PYGB: variants seen among roughly 807,000 people sequenced by gnomAD.
The protein encoded by PYGB is glycogen phosphorylase B, also known as glycogen phosphorylase, brain form.
PYGB carries 82 observed loss-of-function variants against 94.3 expected under a neutral mutation model. That is an observed-to-expected ratio of 0.87 (90% CI 0.73 to 1.04). The LOEUF is 1.04. Among genes scored for constraint, PYGB ranks in the 50% least tolerant of loss-of-function variants. The pLI, the probability that PYGB is intolerant of heterozygous loss-of-function variation, is 0.00. For synonymous variants in PYGB, 488 were observed against 479.1 expected, an observed-to-expected ratio of 1.02 and a Z score of -0.24; for missense variants, 1,132 against 1,158.2, an observed-to-expected ratio of 0.98 and a Z score of 0.33.
chr20:25,277,306 G>A lies in PYGB; in HGVS notation c.835G>A (p.Val279Ile). 6.4e-7 allele frequency: 1 copy of A among 1,573,000 alleles called. No individual in the cohort carries two copies. The highest frequency in any genetic ancestry group is 1.1e-5 in the South Asian group (1 of 90,214). Reference sequence around the variant, plus strand: ...GAACTTGGCTGAGAACATCTCCAGGGTCCTGTATCCAAATGATAACGTGAG... The same window carrying A: ...GAACTTGGCTGAGAACATCTCCAGGATCCTGTATCCAAATGATAACGTGAG... ...DRNLAENISR[V>I]LYPNDNFFEG... Residue 279 changes from valine to isoleucine, a missense_variant, in exon 7 of 20, where the codon GTC (valine) becomes ATC (isoleucine). Transcript: ENST00000216962.
chr20:25,291,567 C>T (rs1468227483), intron 16 of PYGB, among the ~76,000 whole-genome samples: 2 of 152,200 alleles, frequency 1.3e-5, no homozygotes, highest in Admixed American at 6.5e-5. Flanking sequence ...CAGGCGAGGT[C>T]CCTTGAGGCA....
intron 1 of PYGB, among the ~76,000 whole-genome samples, chr20:25,257,349 GC>G (rs2092904636): frequency 6.6e-6 from 1 of 152,224 alleles, no homozygotes; most frequent in African/African-American, 2.4e-5. Context: ...ATGTCTGCAT[GC>G]AACCTGGACA....
intron 3 of PYGB, 43 bp from the exon 4 acceptor site, chr20:25,271,340 G>T: frequency 6.3e-7 from 1 of 1,583,946 alleles, no homozygotes; most frequent in Non-Finnish European, 8.7e-7. Flanking sequence ...GGACCTTGGT[G>T]CCGTGCCTTT....
At chr20:25,259,160 T>G in intron 1 of PYGB, 77 bp from the exon 2 acceptor site, 1 of 1,277,664 alleles carries the variant, frequency 7.8e-7, no homozygotes, top group Non-Finnish European at 1.1e-6. Context: ...CTTGGCTTCA[T>G]GGGTCGTGTC....
Position 25,271,380 on chromosome 20 carries a change from C to A in PYGB, c.425-3C>A. The A allele has an allele frequency of 6.2e-7, 1 of 1,613,710 alleles. No homozygotes were observed. The highest frequency in any genetic ancestry group is 8.5e-7 in the Non-Finnish European group (1 of 1,179,650). ...CTGACTGATTTGTGATTGATTTTTT[C>A]AGCGTGTTTCCTTGACTCAATGGCT... On this transcript the variant is annotated splice_polypyrimidine_tract_variant and splice_region_variant and intron_variant, in intron 3 of 19. Coordinates refer to ENST00000216962, the MANE Select transcript of PYGB (RefSeq NM_002862.4).
chr20:25,285,177 T>C (rs1462413121), intron 14 of PYGB: 1 of 152,182 alleles, frequency 6.6e-6, no homozygotes, highest in Non-Finnish European at 1.5e-5. Context: ...CCCTCTGCCG[T>C]GTGGGCACCA....
At chr20:25,273,008 G>C (rs1325417060) in intron 4 of PYGB, among the ~76,000 whole-genome samples, 1 of 152,234 alleles carries the variant, frequency 6.6e-6, no homozygotes, top group Non-Finnish European at 1.5e-5. Context: ...AGGATGATCA[G>C]TAAGTGAAGC....
intron 2 of PYGB, among the ~76,000 whole-genome samples, chr20:25,264,137 C>T (rs973681555): frequency 2.0e-5 from 3 of 152,118 alleles, no homozygotes; most frequent in Non-Finnish European, 4.4e-5. Context: ...TGCAAATCAA[C>T]AAACGTAATC....
intron 15 of PYGB, 105 bp from the exon 16 acceptor site, chr20:25,290,376 C>T: frequency 7.0e-7 from 1 of 1,434,656 alleles, no homozygotes; most frequent in Non-Finnish European, 9.6e-7. Flanking sequence ...CGGCAGGTTC[C>T]TGTGGCTCTA....
At chr20:25,271,010 C>T (rs545866719) in intron 3 of PYGB, among the ~76,000 whole-genome samples, 1 of 152,220 alleles carries the variant, frequency 6.6e-6, no homozygotes, top group African/African-American at 2.4e-5. Context: ...TTGATGTGTC[C>T]CTGCTGTCAG....
chr20:25,290,359 G>A (rs547975786), intron 15 of PYGB, 122 bp from the exon 16 acceptor site: 165 of 1,313,506 alleles, frequency 1.3e-4, no homozygotes, highest in Non-Finnish European at 1.1e-4. Flanking sequence ...TCTACTGACC[G>A]TCCCGACGGC....
At chr20:25,275,502 GGT>G (rs987260429) in intron 5 of PYGB, among the ~76,000 whole-genome samples, 4 of 152,204 alleles carry the variant, frequency 2.6e-5, no homozygotes, top group Non-Finnish European at 4.4e-5. Context: ...GAGGCTGGGT[GGT>G]CACTGGTGTG....
intron 1 of PYGB, among the ~76,000 whole-genome samples, chr20:25,258,536 T>G (rs2092907068): frequency 6.6e-6 from 1 of 152,264 alleles, no homozygotes; most frequent in Admixed American, 6.5e-5. Context: ...CCCTGGCCGC[T>G]GCAGGCCCGT....
At chr20:25,295,749 C>T in intron 19 of PYGB, 79 bp downstream of exon 19, 1 of 1,454,790 alleles carries the variant, frequency 6.9e-7, no homozygotes, top group Non-Finnish European at 9.7e-7. Flanking sequence ...TGTTTATTTC[C>T]CAAGCTGAGT....
intron 1 of PYGB, among the ~76,000 whole-genome samples, chr20:25,256,031 C>T (rs949408692): frequency 6.6e-6 from 1 of 152,236 alleles, no homozygotes; most frequent in Non-Finnish European, 1.5e-5. Context: ...TCACACCTGG[C>T]TCCAGCTCTT....
chr20:25,281,115 G>A lies in PYGB; in HGVS notation c.1403+3G>A. ...TCGGAGATCGTGAAACAGTCGGTGT[G>A]AGTGGGGCGCTTGCCCGAGCGGGGC... On this transcript the variant is annotated splice_donor_region_variant and intron_variant, in intron 11 of 19. Coordinates refer to ENST00000216962, the MANE Select transcript of PYGB (RefSeq NM_002862.4). 1 of 1,614,094 alleles carries A rather than the reference G, an allele frequency of 6.2e-7. No homozygotes were observed. The highest frequency in any genetic ancestry group is 8.5e-7 in the Non-Finnish European group (1 of 1,179,958).
Position 25,248,118 on chromosome 20 carries a change from G to C in PYGB, c.-61G>C. The C allele has an allele frequency of 6.8e-7, 1 of 1,479,786 alleles. No individual in the cohort carries two copies. 91.7% of individuals were successfully genotyped at this position (1,479,786 alleles called of 1,614,324 possible). A position where few individuals can be genotyped will look rare whatever the true frequency, so the allele number is the denominator to read the frequency against. On this transcript the variant is annotated 5_prime_UTR_variant, in exon 1 of 20. Coordinates refer to ENST00000216962, the MANE Select transcript of PYGB (RefSeq NM_002862.4). ...GGCGCCAGAGCAGCTGCACCATCCC[G>C]GCGTTCGCGTGTGCCGCCGCTTTCC...
At chr20:25,253,679 A>T (rs367983352) in intron 1 of PYGB, among the ~76,000 whole-genome samples, 1 of 151,822 alleles carries the variant, frequency 6.6e-6, no homozygotes, top group East Asian at 2.0e-4. Flanking sequence ...CCTCACCTCC[A>T]CATCTCAGCC....
intron 12 of PYGB, 96 bp downstream of exon 12, chr20:25,282,243 G>T: frequency 9.8e-7 from 1 of 1,017,276 alleles, no homozygotes; most frequent in East Asian, 2.5e-5. Flanking sequence ...TGAGTAGGCA[G>T]GAGTCTGTCC....
Sources: gnomAD v4.1 joint callset for allele counts (sites outside exome capture counted in the v4.1 genomes callset) on GRCh38, gnomAD v4.1.1 for gene constraint, MANE v1.5 for transcripts, NCBI Gene and HGNC (gene_info 2026-07-23, HGNC 2026-07-21) for gene names.